The following PRSS23 variants were observed in gnomAD, a reference collection of about 807,000 sequenced individuals.
The protein encoded by PRSS23 is protease, serine 23.
Under a neutral mutation model 34.7 loss-of-function variants are expected in PRSS23, and 25 were observed. The observed-to-expected ratio is 0.72, with a 90% CI of 0.53 to 1.01. The LOEUF is 1.01. Among genes scored for constraint, PRSS23 ranks in the 50% least tolerant of loss-of-function variants. The pLI, the probability that PRSS23 is intolerant of heterozygous loss-of-function variation, is 0.00. For missense variants in PRSS23, 445 were observed against 475.6 expected, an observed-to-expected ratio of 0.94 and a Z score of 0.60; for synonymous variants, 176 against 186.6, an observed-to-expected ratio of 0.94 and a Z score of 0.46.
intron 2 of PRSS23, among the ~76,000 whole-genome samples, chr11:86,848,050 C>T (rs533472647): frequency 1.3e-5 from 2 of 152,174 alleles, no homozygotes; most frequent in Non-Finnish European, 2.9e-5. Context: ...GCCAGGCACC[C>T]GAACTATGTC....
chr11:86,838,538 G>A (rs2134900003), intron 2 of PRSS23, among the ~76,000 whole-genome samples: 1 of 152,308 alleles, frequency 6.6e-6, no homozygotes, highest in South Asian at 2.1e-4. Flanking sequence ...CACTTCTGGG[G>A]GCAGGGCATA....
intron 2 of PRSS23, chr11:86,892,150 G>T (rs946446485): frequency 6.6e-6 from 1 of 152,228 alleles, no homozygotes; most frequent in Non-Finnish European, 1.5e-5. Flanking sequence ...CAACTAATGG[G>T]ACAGGAGCTT....
chr11:86,888,109 GTTT>G (rs1347691976), intron 2 of PRSS23, among the ~76,000 whole-genome samples: 56 of 119,884 alleles, frequency 4.7e-4, no homozygotes, highest in African/African-American at 1.7e-3. Flanking sequence ...CATCAAGTTG[GTTT>G]TTTTTAAAAA....
upstream of PRSS23, chr11:86,800,472 G>A (rs1014138566): frequency 8.1e-5 from 80 of 984,018 alleles, no homozygotes; most frequent in Admixed American, 1.2e-4. Flanking sequence ...GGCCGGAGGC[G>A]GGGCGGGCGG....
intron 2 of PRSS23, among the ~76,000 whole-genome samples, chr11:86,920,936 G>C (rs1949043793): frequency 6.6e-6 from 1 of 152,058 alleles, no homozygotes; most frequent in Non-Finnish European, 1.5e-5. Context: ...TTCCCTCTCA[G>C]CGCCATTTGC....
chr11:86,883,932 G>A (rs1388803273), intron 2 of PRSS23, among the ~76,000 whole-genome samples: 2 of 150,454 alleles, frequency 1.3e-5, no homozygotes, highest in African/African-American at 2.4e-5. Context: ...GCCCAAAATC[G>A]AACTAACTTT....
chr11:86,890,837 G>A (rs958474501), intron 2 of PRSS23, among the ~76,000 whole-genome samples: 2 of 152,164 alleles, frequency 1.3e-5, no homozygotes, highest in African/African-American at 4.8e-5. Flanking sequence ...TTTCTCTTCT[G>A]TGTGTAAGCC....
chr11:86,814,149 A>G (rs993581546), downstream of PRSS23, among the ~76,000 whole-genome samples: 1 of 152,228 alleles, frequency 6.6e-6, no homozygotes. Context: ...TCAACTGTCT[A>G]GCGGACACCC....
chr11:86,907,113 A>AT (rs1187329052), intron 2 of PRSS23, among the ~76,000 whole-genome samples: 12 of 152,132 alleles, frequency 7.9e-5, no homozygotes, highest in African/African-American at 1.4e-4. Flanking sequence ...CCAATTAATG[A>AT]TTTTTTTGGT....
intron 2 of PRSS23, among the ~76,000 whole-genome samples, chr11:86,887,105 C>G (rs1948807337): frequency 6.6e-6 from 1 of 151,936 alleles, no homozygotes; most frequent in East Asian, 1.9e-4. Flanking sequence ...AATAATTCAC[C>G]CAAGATCACT....
intron 1 of PRSS23, among the ~76,000 whole-genome samples, chr11:86,819,711 G>A (rs570880136): frequency 2.6e-5 from 4 of 152,184 alleles, no homozygotes; most frequent in African/African-American, 7.2e-5. Flanking sequence ...GTACATTCTT[G>A]TCTCAAAATA....
At chr11:86,925,956 T>A (rs1197193457) in intron 2 of PRSS23, among the ~76,000 whole-genome samples, 1 of 152,160 alleles carries the variant, frequency 6.6e-6, no homozygotes, top group East Asian at 1.9e-4. Context: ...ATGAGTTGAG[T>A]GACTGAGCCT....
At chr11:86,904,929 G>A (rs909412107) in intron 2 of PRSS23, among the ~76,000 whole-genome samples, 1 of 152,030 alleles carries the variant, frequency 6.6e-6, no homozygotes, top group Non-Finnish European at 1.5e-5. Flanking sequence ...GGTGGTGCAT[G>A]CCTGTAGTCC....
At position 86,808,481 on chromosome 11, in the gene PRSS23, T is replaced by C. The variant is rs1948135303; in HGVS notation, c.838T>C (p.Ser280Pro). 6.2e-7 allele frequency: 1 copy of C among 1,614,214 alleles called. No homozygotes were observed. The highest frequency in any genetic ancestry group is 8.5e-7 in the Non-Finnish European group (1 of 1,180,038). Residue 280 changes from serine (S) to proline (P), a missense_variant, in exon 2 of 2, where the codon TCT becomes CCT. Transcript: ENST00000280258. ...KQLPGGRIHFSGYDNDRPGNL... is the reference protein window; with the variant it reads ...KQLPGGRIHFPGYDNDRPGNL... ...GCTGCCAGGGGGCAGAATTCACTTC[T>C]CTGGTTATGACAATGACCGACCAGG... is the stretch of plus-strand genomic sequence containing the variant.
At chr11:86,921,408 TAAGTA>T (rs1301376439) in intron 2 of PRSS23, 1 of 152,236 alleles carries the variant, frequency 6.6e-6, no homozygotes, top group African/African-American at 2.4e-5. Flanking sequence ...GAATGAAATA[TAAGTA>T]AATATAAGTA....
chr11:86,799,709 A>G (rs1948007014), upstream of PRSS23, among the ~76,000 whole-genome samples: 1 of 147,124 alleles, frequency 6.8e-6, no homozygotes, highest in South Asian at 2.3e-4. Context: ...GCCCCCAACC[A>G]CCACCACCAA....
At chr11:86,919,685 G>A (rs1050964374) in intron 2 of PRSS23, among the ~76,000 whole-genome samples, 10 of 152,252 alleles carry the variant, frequency 6.6e-5, no homozygotes, top group South Asian at 4.1e-4. Context: ...CCGGGCCTCC[G>A]TTTCTTCATC....
chr11:86,793,617 G>GT (rs1947964592), intron 1 of PRSS23, among the ~76,000 whole-genome samples: 2 of 152,194 alleles, frequency 1.3e-5, no homozygotes. Flanking sequence ...TCTGGAGAGT[G>GT]TGAGAGCCCC....
chr11:86,821,350 T>C (rs1948250176), intron 1 of PRSS23: 21 of 808,872 alleles, frequency 2.6e-5, no homozygotes, highest in Non-Finnish European at 3.9e-5. Context: ...TCCTAAGGTA[T>C]AGTGATCCTA....
Sources: gnomAD v4.1 joint callset for allele counts (sites outside exome capture counted in the v4.1 genomes callset) on GRCh38, gnomAD v4.1.1 for gene constraint, MANE v1.5 for transcripts, NCBI Gene and HGNC (gene_info 2026-07-23, HGNC 2026-07-21) for gene names.